NRG1: variants seen among roughly 807,000 people sequenced by gnomAD.
NRG1 encodes the protein neuregulin 1.
Under a neutral mutation model 63.8 loss-of-function variants are expected in NRG1, and 18 were observed. The observed-to-expected ratio is 0.28, with a 90% CI of 0.19 to 0.42. The LOEUF (loss-of-function observed/expected upper bound fraction) is 0.42, where lower values mean the gene tolerates loss of function less well. NRG1 is among the 10% of genes least tolerant of loss of function. The pLI, the probability that NRG1 is intolerant of heterozygous loss-of-function variation, is 1.00. For missense variants in NRG1, 762 were observed against 814.7 expected, an observed-to-expected ratio of 0.94 and a Z score of 0.79; for synonymous variants, 302 against 301.3, an observed-to-expected ratio of 1.00 and a Z score of -0.02.
chr8:32,588,720 C>T (rs1310183572), intron 1 of NRG1, among the ~76,000 whole-genome samples: 1 of 152,220 alleles, frequency 6.6e-6, no homozygotes, highest in Non-Finnish European at 1.5e-5. Flanking sequence ...CTTAACCCTA[C>T]TTTGAAGCCT....
intron 1 of NRG1, among the ~76,000 whole-genome samples, chr8:31,668,456 T>C (rs1481713923): frequency 6.6e-6 from 1 of 152,204 alleles, no homozygotes; most frequent in African/African-American, 2.4e-5. Flanking sequence ...GGATTTCCTT[T>C]ATATTGTGTG....
chr8:31,691,487 C>T (rs1293503582), intron 1 of NRG1, among the ~76,000 whole-genome samples: 1 of 147,250 alleles, frequency 6.8e-6, no homozygotes, highest in Non-Finnish European at 1.5e-5. Flanking sequence ...CCCAGCTACT[C>T]GGGAGGCTGA....
intron 1 of NRG1, among the ~76,000 whole-genome samples, chr8:31,820,321 C>A (rs1823883875): frequency 6.6e-6 from 1 of 152,142 alleles, no homozygotes. Flanking sequence ...CCTTCCTCCC[C>A]TCCAGAGATA....
At position 31,835,995 on chromosome 8, in the gene NRG1, T is replaced by C. The variant is rs1319947832; in HGVS notation, c.37+196564T>C. 2.0e-5 allele frequency among the ~76,000 whole-genome samples: 3 copies of C among 152,140 alleles called. No individual in the cohort carries two copies. The East Asian group carries it at 5.8e-4, about 29-fold the overall frequency. On this transcript the variant is annotated intron_variant, in intron 1 of 10. Transcript: ENST00000519301. ...TAACCCATCTAAATTTAAATGTAAA[T>C]ACCCACATGGCTGGTGGCTACCTTA...
chr8:32,522,728 T>G (rs1225712364), intron 1 of NRG1, among the ~76,000 whole-genome samples: 1 of 152,170 alleles, frequency 6.6e-6, no homozygotes, highest in Non-Finnish European at 1.5e-5. Flanking sequence ...CATCCTTAGG[T>G]CTTTCCTATT....
intron 1 of NRG1, among the ~76,000 whole-genome samples, chr8:32,013,164 G>A (rs1815014531): frequency 6.6e-6 from 1 of 152,086 alleles, no homozygotes; most frequent in South Asian, 2.1e-4. Context: ...GATAAAGTAA[G>A]GAGGCAGTAG....
intron 1 of NRG1, among the ~76,000 whole-genome samples, chr8:31,774,366 A>T (rs1360547221): frequency 6.6e-6 from 1 of 152,116 alleles, no homozygotes; most frequent in African/African-American, 2.4e-5. Flanking sequence ...ATCATAATAT[A>T]TATTTATTTG....
chr8:32,665,566 A>T (rs1405908463), intron 5 of NRG1, among the ~76,000 whole-genome samples: 3 of 152,158 alleles, frequency 2.0e-5, no homozygotes. Context: ...AATTTTGGTG[A>T]TGTATGCACT....
chr8:32,285,327 C>T lies in NRG1; in HGVS notation c.38-310501C>T, dbSNP rs549533605. On this transcript the variant is annotated intron_variant, in intron 1 of 10. Transcript: ENST00000519301. ...TGATAGAGGCAGGACTAAACACTCT[C>T]GGTGCAGTGTTCCTTCTCTGAGTCA... Among the ~76,000 whole-genome samples, 16 of 152,140 alleles carry T rather than the reference C, an allele frequency of 1.1e-4. 1 individual carries two copies. The highest frequency in any genetic ancestry group is 2.0e-4 in the Admixed American group (3 of 15,278).
chr8:32,759,278 T>C, intron 9 of NRG1, 28 bp from the exon 10 acceptor site: 1 of 1,608,500 alleles, frequency 6.2e-7, no homozygotes, highest in South Asian at 1.1e-5. Flanking sequence ...TACGTGAATC[T>C]TCAAGTTGTG....
At chr8:32,042,961 A>AGTGTGTGTGTGTGTGTGTGT (rs111850977) in intron 1 of NRG1, among the ~76,000 whole-genome samples, 9,615 of 139,872 alleles carry the variant, frequency 0.069, 408 homozygotes, top group Admixed American at 0.082. Flanking sequence ...GAAAGAGTGC[A>AGTGTGTGTGTGTGTGTGTGT]GTGTGTGTGT....
rs555372068 is a variant in NRG1 at position 31,729,592 on chromosome 8, G to A, written c.37+90161G>A. Among the ~76,000 whole-genome samples the A allele has an allele frequency of 2.6e-5, 4 of 152,118 alleles. No homozygotes were observed. In the East Asian group the frequency reaches 7.7e-4, roughly 29 times the overall value. The stretch of plus-strand genomic sequence containing the variant: ...TTTCTCCAGTACTCACTCTTATCAA[G>A]GAGGAAAAAGGCCCAGAAAAAAAAT... On this transcript the variant is annotated intron_variant, in intron 1 of 10. Coordinates refer to the NRG1 transcript ENST00000519301.
chr8:31,976,078 A>AATGACATGGAATTAAATGGCTGTT (rs1808115006), intron 1 of NRG1, among the ~76,000 whole-genome samples: 1 of 152,220 alleles, frequency 6.6e-6, no homozygotes, highest in Admixed American at 6.5e-5. Context: ...AAATGGCTGT[A>AATGACATGGAATTAAATGGCTGTT]AAGTGACATG....
At chr8:32,712,968 T>C (rs1010908830) in intron 5 of NRG1, among the ~76,000 whole-genome samples, 2 of 152,194 alleles carry the variant, frequency 1.3e-5, no homozygotes, top group African/African-American at 4.8e-5. Context: ...CTGTCAGAGT[T>C]GTGAAAATGG....
chr8:32,664,802 G>C (rs541755797), intron 5 of NRG1, among the ~76,000 whole-genome samples: 1 of 152,066 alleles, frequency 6.6e-6, no homozygotes, highest in African/African-American at 2.4e-5. Context: ...GTAATTTAGC[G>C]GTTGTTAGAT....
At chr8:31,948,710 A>T (rs763754542) in intron 1 of NRG1, among the ~76,000 whole-genome samples, 1 of 152,070 alleles carries the variant, frequency 6.6e-6, no homozygotes, top group African/African-American at 2.4e-5. Flanking sequence ...CTGATTAGGA[A>T]CTCTTGTGAG....
intron 1 of NRG1, among the ~76,000 whole-genome samples, chr8:32,251,959 C>T (rs530333719): frequency 1.3e-5 from 2 of 151,878 alleles, no homozygotes; most frequent in East Asian, 1.9e-4. Flanking sequence ...CCAGTGATGA[C>T]GATTTTTTCA....
intron 1 of NRG1, among the ~76,000 whole-genome samples, chr8:31,864,447 G>A (rs1828766177): frequency 1.3e-5 from 2 of 152,180 alleles, no homozygotes; most frequent in Admixed American, 1.3e-4. Context: ...CCTCCAAGGT[G>A]TGGTGTTTGA....
intron 1 of NRG1, among the ~76,000 whole-genome samples, chr8:32,142,936 A>C (rs947613528): frequency 6.6e-6 from 1 of 152,228 alleles, no homozygotes; most frequent in Non-Finnish European, 1.5e-5. Flanking sequence ...TCAGAAAACA[A>C]AGTTGTATGT....
Sources: allele counts gnomAD v4.1 joint callset (sites outside exome capture counted in the v4.1 genomes callset), GRCh38; gene constraint gnomAD v4.1.1; transcripts MANE v1.5; gene names NCBI Gene and HGNC (gene_info 2026-07-23, HGNC 2026-07-21).